The following SYBU variants were observed in gnomAD, a reference collection of about 807,000 sequenced individuals.
SYBU encodes the protein syntabulin, also known as GOLSYN A protein.
SYBU carries 21 observed loss-of-function variants against 35.9 expected under a neutral mutation model. The ratio of observed to expected loss-of-function variants is 0.58; its 90% CI spans 0.41 to 0.84. The LOEUF (loss-of-function observed/expected upper bound fraction) is 0.84, where lower values mean the gene tolerates loss of function less well. SYBU is among the 40% of genes least tolerant of loss of function. The probability of loss-of-function intolerance (pLI) is 0.00; values close to 1 mark genes in which losing one functional copy is unlikely to be tolerated. For synonymous variants in SYBU, 319 were observed against 324.3 expected, an observed-to-expected ratio of 0.98 and a Z score of 0.18; for missense variants, 768 against 848.2, an observed-to-expected ratio of 0.91 and a Z score of 1.17.
Position 109,578,007 on chromosome 8 carries a change from T to C in SYBU, c.745A>G (p.Arg249Gly). The change falls in exon 6 of 7, where the codon AGG becomes GGG. Residue 249 changes from arginine to glycine, a missense_variant. Physicochemically the swap from Arg to Gly is moderately radical, Grantham distance 125. Coordinates refer to ENST00000276646, the MANE Select transcript of SYBU (RefSeq NM_001099754.2). ...DCSPIMRRSGRYMSCGENHGV... is the reference protein window; with the variant it reads ...DCSPIMRRSGGYMSCGENHGV... ...TGATTTTCACCGCAAGACATGTACC[T>C]TCCAGAACGCCTGAAACAATCCAAG... 1 of 1,607,474 alleles carries C rather than the reference T, an allele frequency of 6.2e-7. No homozygotes were observed. The highest frequency in any genetic ancestry group is 2.2e-5 in the East Asian group (1 of 44,832).
At chr8:109,586,221 C>G in intron 3 of SYBU, 59 bp from the exon 4 acceptor site, 1 of 1,299,338 alleles carries the variant, frequency 7.7e-7, no homozygotes, top group East Asian at 2.4e-5. Flanking sequence ...AACACATTGG[C>G]CAGTTCCCTG....
chr8:109,603,060 T>C (rs1825704871), intron 3 of SYBU, among the ~76,000 whole-genome samples: 1 of 152,198 alleles, frequency 6.6e-6, no homozygotes, highest in African/African-American at 2.4e-5. Context: ...TTGGGACACC[T>C]GTGCAAGGAC....
intron 3 of SYBU, among the ~76,000 whole-genome samples, chr8:109,596,415 C>A (rs756300883): frequency 9.2e-5 from 14 of 152,128 alleles, no homozygotes; most frequent in Non-Finnish European, 1.6e-4. Context: ...ACCAATCCAT[C>A]ACAAAAACTA....
At chr8:109,690,423 T>C (rs1324320494) in intron 1 of SYBU, among the ~76,000 whole-genome samples, 3 of 152,220 alleles carry the variant, frequency 2.0e-5, no homozygotes, top group Non-Finnish European at 4.4e-5. Context: ...GATTCTGATC[T>C]GTAGGGTTCA....
At chr8:109,671,470 C>T (rs958132867) in intron 1 of SYBU, among the ~76,000 whole-genome samples, 17 of 152,276 alleles carry the variant, frequency 1.1e-4, no homozygotes, top group African/African-American at 3.8e-4. Context: ...GCAGATGGCC[C>T]TCCTCAGATA....
At chr8:109,643,722 T>C (rs1815207007) in intron 1 of SYBU, 1 of 166,084 alleles carries the variant, frequency 6.0e-6, no homozygotes, top group South Asian at 1.5e-4. Context: ...ATAAAGTGCT[T>C]TTCCAACCAT....
chr8:109,594,487 T>C (rs976600285), intron 3 of SYBU, among the ~76,000 whole-genome samples: 3 of 152,080 alleles, frequency 2.0e-5, no homozygotes, highest in Non-Finnish European at 2.9e-5. Flanking sequence ...AGACATCCAA[T>C]GGGGCCCTAA....
intron 1 of SYBU, among the ~76,000 whole-genome samples, chr8:109,665,022 G>A (rs1022848937): frequency 6.6e-6 from 1 of 152,070 alleles, no homozygotes; most frequent in Non-Finnish European, 1.5e-5. Flanking sequence ...AAAGTTATTG[G>A]TTAATTAACA....
At chr8:109,640,921 C>T (rs1035674688) in intron 2 of SYBU, among the ~76,000 whole-genome samples, 5 of 151,592 alleles carry the variant, frequency 3.3e-5, no homozygotes, top group Admixed American at 1.3e-4. Context: ...TCCAAAGCTG[C>T]ATTTATAAAA....
In SYBU at chr8:109,575,029, C is replaced by A; in HGVS notation, c.1869G>T (p.Leu623=). 1 of 1,603,704 alleles carries A rather than the reference C, an allele frequency of 6.2e-7. No individual in the cohort carries two copies. Among genetic ancestry groups the A allele is most frequent in the Non-Finnish European group, 8.5e-7 (1 of 1,173,662 alleles). ...AVAAPVVPTV[L]WAFSTQRGGT... ...CCCCTCTCTGAGTACTGAATGCCCA[C>A]AGAACCGTGGGGACCACGGGGGCAG... Residue 623 remains leucine (L), a synonymous_variant, in exon 7 of 7, where the codon CTG becomes CTT. Coordinates refer to ENST00000276646, the MANE Select transcript of SYBU (RefSeq NM_001099754.2).
At chr8:109,689,202 C>T (rs998591868) in intron 1 of SYBU, among the ~76,000 whole-genome samples, 12 of 152,114 alleles carry the variant, frequency 7.9e-5, no homozygotes, top group Admixed American at 7.9e-4. Flanking sequence ...AGAGAGATCC[C>T]ATGTACCCTT....
At chr8:109,670,224 T>A (rs1317579117) in intron 1 of SYBU, among the ~76,000 whole-genome samples, 1 of 152,124 alleles carries the variant, frequency 6.6e-6, no homozygotes, top group Non-Finnish European at 1.5e-5. Context: ...GCAGTTTAAA[T>A]TCTACTTTAA....
chr8:109,575,837 C>T lies in SYBU; in HGVS notation c.1061G>A (p.Gly354Asp). The T allele has an allele frequency of 1.2e-6, 2 of 1,613,998 alleles. No homozygotes were observed. The highest frequency in any genetic ancestry group is 1.7e-6 in the Non-Finnish European group (2 of 1,179,982). The change falls in exon 7 of 7, where the codon GGC (glycine) becomes GAC (aspartate). Residue 354 changes from glycine (G) to aspartate (D), a missense_variant. Physicochemically the swap from Gly to Asp is moderately conservative, Grantham distance 94 (BLOSUM62 -1). Coordinates refer to ENST00000276646, the MANE Select transcript of SYBU (RefSeq NM_001099754.2). ...MRSSLADKDK[G>D]IQKYFVDINI... Reference sequence around the variant, plus strand: ...TATGTCCACAAAATATTTCTGAATGCCTTTATCTTTATCAGCCAAGCTGCT... The same window carrying T: ...TATGTCCACAAAATATTTCTGAATGTCTTTATCTTTATCAGCCAAGCTGCT...
At chr8:109,602,667 A>G (rs372833749) in intron 3 of SYBU, among the ~76,000 whole-genome samples, 2 of 152,072 alleles carry the variant, frequency 1.3e-5, no homozygotes, top group East Asian at 1.9e-4. Flanking sequence ...TCCTGACCTC[A>G]AGCGATCCAC....
chr8:109,629,473 G>A (rs1813352643), intron 2 of SYBU, among the ~76,000 whole-genome samples: 1 of 152,198 alleles, frequency 6.6e-6, no homozygotes, highest in African/African-American at 2.4e-5. Flanking sequence ...ACCTGTTCAA[G>A]CTTGTAATCA....
At chr8:109,582,194 G>C (rs1201533320) in intron 4 of SYBU, among the ~76,000 whole-genome samples, 1 of 152,176 alleles carries the variant, frequency 6.6e-6, no homozygotes, top group African/African-American at 2.4e-5. Context: ...GACCTTCTGT[G>C]ACCCTGGCGC....
At chr8:109,672,851 G>T (rs1817036559) in intron 1 of SYBU, among the ~76,000 whole-genome samples, 1 of 152,110 alleles carries the variant, frequency 6.6e-6, no homozygotes, top group African/African-American at 2.4e-5. Flanking sequence ...TGGGGGGAGG[G>T]GCATCTGCCA....
chr8:109,579,725 T>C (rs1822787446), intron 5 of SYBU, 74 bp downstream of exon 5: 1 of 1,379,174 alleles, frequency 7.3e-7, no homozygotes, highest in Admixed American at 1.8e-5. Flanking sequence ...GTATAACTTT[T>C]TTTTTTCTTT....
upstream of SYBU, among the ~76,000 whole-genome samples, chr8:109,649,625 C>T (rs1385868330): frequency 2.6e-5 from 4 of 152,148 alleles, no homozygotes; most frequent in Non-Finnish European, 5.9e-5. Flanking sequence ...GGGTCTAATC[C>T]TCTGATGCCT....
Sources: allele counts gnomAD v4.1 joint callset (sites outside exome capture counted in the v4.1 genomes callset), GRCh38; gene constraint gnomAD v4.1.1; transcripts MANE v1.5; gene names NCBI Gene and HGNC (gene_info 2026-07-23, HGNC 2026-07-21).